The following SCAF11 variants were observed in gnomAD, a reference collection of about 807,000 sequenced individuals.
SCAF11 encodes the protein protein SCAF11.
A neutral mutation model predicts 140.5 loss-of-function variants in SCAF11; 47 were observed. The observed-to-expected ratio is 0.33, with a 90% confidence interval of 0.26 to 0.43. The LOEUF (loss-of-function observed/expected upper bound fraction) is 0.43. Ranked by LOEUF, SCAF11 falls within the 20% of genes least tolerant of loss-of-function variation. The pLI is 1.00. For synonymous variants in SCAF11, 557 were observed against 579.4 expected (o/e 0.96, Z 0.55); for missense variants, 1,645 against 1,705.1 (o/e 0.96, Z 0.62).
At chr12:45,936,211 G>T (rs1318271893) in intron 6 of SCAF11, among the ~76,000 whole-genome samples, 2 of 150,574 alleles carry the variant, frequency 1.3e-5, no homozygotes, top group African/African-American at 4.9e-5. Context: ...CCACAATCTC[G>T]GCTGACTGCA....
chr12:45,952,307 A>G lies in SCAF11; in HGVS notation c.220-580T>C, dbSNP rs530371405. On this transcript the variant is annotated intron_variant, in intron 3 of 14. Coordinates refer to ENST00000369367, the MANE Select transcript of SCAF11 (RefSeq NM_004719.3). ...ATGCATATATGTGTATCTTTTTAATATATAAACTTAAGATTGATTCATATT... is the reference window on the plus strand; with the variant it reads ...ATGCATATATGTGTATCTTTTTAATGTATAAACTTAAGATTGATTCATATT... 2.8e-4 allele frequency among the ~76,000 whole-genome samples: 42 copies of G among 152,320 alleles called. No homozygotes were observed. The South Asian group carries it at 8.1e-3, about 29-fold the overall frequency.
chr12:45,958,067 AT>A lies in SCAF11; in HGVS notation c.219+3632del, dbSNP rs764679460. ...AGGCATACTCCACCATGCCTGGCTA[AT>A]TTTTTTTTTTTTTCCCAGTAGAGAT... On this transcript the variant is annotated intron_variant, in intron 3 of 14. Transcript: ENST00000369367. Among the ~76,000 whole-genome samples the A allele has an allele frequency of 3.9e-3, 560 of 144,098 alleles. 1 individual carries two copies. The highest frequency in any genetic ancestry group is 7.5e-3 in the African/African-American group (297 of 39,552). The allele number at this position is 144,098 out of a possible 152,430, so 94.5% of individuals were successfully genotyped here. A position where few individuals can be genotyped will look rare whatever the true frequency, so the allele number is the denominator to read the frequency against.
In SCAF11 at chr12:45,922,472, T is replaced by C. The variant is rs953431085; in HGVS notation, c.4236A>G (p.Ala1412=). The C allele has an allele frequency of 5.0e-6, 8 of 1,601,580 alleles. No homozygotes were observed. The African/African-American group carries it at 1.1e-4, about 22-fold the overall frequency. The change falls in exon 14 of 15, where the codon GCA becomes GCG. Residue 1412 remains alanine (A), a synonymous_variant. Coordinates refer to ENST00000369367, the MANE Select transcript of SCAF11 (RefSeq NM_004719.3). ...KEEYKEIVRK[A]VDKVCHSKSG... ...TAAAGCCATAACTTACTTTATCTAC[T>C]GCTTTCCGTACAATTTCTTTATATT...
intron 1 of SCAF11, among the ~76,000 whole-genome samples, chr12:45,972,943 TATATATAGATATATAGATATATATATAG>T (rs1565689136): frequency 1.7e-4 from 10 of 59,200 alleles, no homozygotes; most frequent in East Asian, 7.3e-4. Flanking sequence ...TATATAGATA[TATATATAGATATATAGATATATATATAG>T]ATATATAGAT....
intron 5 of SCAF11, among the ~76,000 whole-genome samples, chr12:45,947,474 A>AG (rs1945449901): frequency 6.6e-6 from 1 of 152,266 alleles, no homozygotes; most frequent in Non-Finnish European, 1.5e-5. Context: ...GCTGCAACAC[A>AG]GGAAAGCAGT....
chr12:45,960,360 G>A (rs1178672031), intron 3 of SCAF11: 1 of 152,054 alleles, frequency 6.6e-6, no homozygotes, highest in Non-Finnish European at 1.5e-5. Flanking sequence ...AAAAAGCACT[G>A]TATTGAAACC....
chr12:45,986,270 G>A (rs1946456251), intron 1 of SCAF11, among the ~76,000 whole-genome samples: 1 of 152,136 alleles, frequency 6.6e-6, no homozygotes, highest in Non-Finnish European at 1.5e-5. Context: ...CTTTAAGCCT[G>A]ATATGTTAAA....
In SCAF11 at chr12:45,923,154, CCT is replaced by C; in HGVS notation, c.3907-2_3907-1del. On this transcript the variant is annotated splice_acceptor_variant, in intron 12 of 14. Transcript: ENST00000369367. LOFTEE classifies it high-confidence loss of function. Reference sequence around the variant, plus strand: ...CTTACATGAGAAGAACTAGGAATACCCTGTTTTAAAGAGTTATCATCAGTTAA... The same window carrying C: ...CTTACATGAGAAGAACTAGGAATACCGTTTTAAAGAGTTATCATCAGTTAA... The C allele has an allele frequency of 6.2e-7, 1 of 1,611,988 alleles. No homozygotes were observed. Among genetic ancestry groups the C allele is most frequent in the Non-Finnish European group, 8.5e-7 (1 of 1,178,298 alleles).
At chr12:45,974,299 G>A (rs1355282182) in intron 1 of SCAF11, 2 of 458,730 alleles carry the variant, frequency 4.4e-6, no homozygotes, top group Non-Finnish European at 9.0e-6. Context: ...CTAATCACAG[G>A]ATGGTAGTTG....
intron 1 of SCAF11, among the ~76,000 whole-genome samples, chr12:45,964,433 C>T (rs1364753247): frequency 6.6e-6 from 1 of 152,014 alleles, no homozygotes; most frequent in South Asian, 2.1e-4. Flanking sequence ...TTTGGGAGGC[C>T]GAGGCGGGCG....
chr12:45,975,608 G>C (rs1030147228), intron 1 of SCAF11: 5 of 169,536 alleles, frequency 2.9e-5, no homozygotes, highest in Non-Finnish European at 6.1e-5. Context: ...CTGGCTTGAA[G>C]AGCGTTAGAG....
chr12:45,956,687 GT>G (rs1327809534), intron 3 of SCAF11, among the ~76,000 whole-genome samples: 1 of 152,146 alleles, frequency 6.6e-6, no homozygotes, highest in Non-Finnish European at 1.5e-5. Context: ...CAAGATACCA[GT>G]TGGGGAGAAT....
At chr12:45,948,650 T>G (rs1296793467) in intron 4 of SCAF11, 113 bp from the exon 5 acceptor site, 1 of 673,426 alleles carries the variant, frequency 1.5e-6, no homozygotes, top group Non-Finnish European at 2.5e-6. Flanking sequence ...AATTAAAAAG[T>G]GTAGTCCAAA....
At chr12:45,978,256 A>T (rs554369903) in intron 1 of SCAF11, among the ~76,000 whole-genome samples, 1 of 152,262 alleles carries the variant, frequency 6.6e-6, no homozygotes, top group Admixed American at 6.5e-5. Flanking sequence ...TAAGTTATGG[A>T]GGACAGAACA....
chr12:45,967,182 A>G (rs1301924038), intron 1 of SCAF11, among the ~76,000 whole-genome samples: 1 of 152,108 alleles, frequency 6.6e-6, no homozygotes, highest in Non-Finnish European at 1.5e-5. Flanking sequence ...GAGCCCAAGA[A>G]GTTCAAGACC....
At chr12:45,973,912 C>G (rs543641329) in intron 1 of SCAF11, among the ~76,000 whole-genome samples, 1 of 152,236 alleles carries the variant, frequency 6.6e-6, no homozygotes, top group South Asian at 2.1e-4. Flanking sequence ...AATGCCTGAG[C>G]AAACATAGTT....
At chr12:45,963,752 C>T (rs1323372365) in intron 2 of SCAF11, among the ~76,000 whole-genome samples, 1 of 152,164 alleles carries the variant, frequency 6.6e-6, no homozygotes, top group Non-Finnish European at 1.5e-5. Context: ...TTGGGTTCTT[C>T]TTCTGTTGGT....
Position 45,927,432 on chromosome 12 carries a change from T to C in SCAF11, c.2269A>G (p.Met757Val), listed in dbSNP as rs759088643. The C allele has an allele frequency of 4.3e-6, 7 of 1,613,680 alleles. No homozygotes were observed. The South Asian group carries it at 4.4e-5, about 10-fold the overall frequency. Residue 757 changes from methionine to valine, a missense_variant, in exon 11 of 15, where the codon ATG becomes GTG. Met to Val is a conservative substitution (Grantham distance 21). Transcript: ENST00000369367. Reference sequence around the variant, plus strand: ...TCATCCGCAAGATCAGAAGACGGCATATTATTTTCAGAACAGTGTGTCACA... The same window carrying C: ...TCATCCGCAAGATCAGAAGACGGCACATTATTTTCAGAACAGTGTGTCACA... Reference protein sequence around the residue: ...NSVTHCSENNMPSSDLADEKV... With the variant: ...NSVTHCSENNVPSSDLADEKV...
chr12:45,966,941 T>G (rs780992068), intron 1 of SCAF11, among the ~76,000 whole-genome samples: 8 of 152,216 alleles, frequency 5.3e-5, no homozygotes, highest in Non-Finnish European at 8.8e-5. Flanking sequence ...ATTTGAAAGT[T>G]AACACAGTAT....
Sources: allele counts gnomAD v4.1 joint callset (sites outside exome capture counted in the v4.1 genomes callset), GRCh38; gene constraint gnomAD v4.1.1; transcripts MANE v1.5; gene names NCBI Gene and HGNC (gene_info 2026-07-23, HGNC 2026-07-21).